The following ZNF79 variants were observed in gnomAD, a reference collection of about 807,000 sequenced individuals.
The protein encoded by ZNF79 is ZNFpT7.
In ZNF79, 13 loss-of-function variants were observed where a neutral mutation model predicts 14.9. The observed-to-expected ratio is 0.87, with a 90% confidence interval of 0.57 to 1.38. The LOEUF (loss-of-function observed/expected upper bound fraction) is 1.38. ZNF79 is among the 40% of genes most tolerant of loss of function. ZNF79 has a pLI of 0.00. For synonymous variants in ZNF79, 223 were observed against 235.1 expected (o/e 0.95, Z 0.47); for missense variants, 631 against 630.6 (o/e 1.00, Z -0.01).
intron 1 of ZNF79, among the ~76,000 whole-genome samples, chr9:127,427,542 CTT>C (rs71378001): frequency 1.3e-4 from 17 of 132,562 alleles, no homozygotes; most frequent in Middle Eastern, 3.4e-3. Flanking sequence ...TAACTAAATT[CTT>C]TTTTTTTTTT....
chr9:127,445,087 C>T lies in ZNF79; in HGVS notation c.1387C>T (p.His463Tyr). 6.2e-7 allele frequency: 1 copy of T among 1,614,048 alleles called. No individual in the cohort carries two copies. The highest frequency in any genetic ancestry group is 8.5e-7 in the Non-Finnish European group (1 of 1,180,004). ...TAACCAGAGCTCATCCCTTAGTCAG[C>T]ATCAGAGAATCCACACAGGCGTGAA... is the stretch of plus-strand genomic sequence containing the variant. ...AFNQSSSLSQ[H>Y]QRIHTGVKPY... The change falls in exon 5 of 5, where the codon CAT (histidine) becomes TAT (tyrosine). Residue 463 changes from histidine to tyrosine, a missense_variant. His to Tyr is a moderately conservative substitution (Grantham distance 83). Coordinates refer to ENST00000342483, the MANE Select transcript of ZNF79 (RefSeq NM_007135.3).
intron 4 of ZNF79, among the ~76,000 whole-genome samples, chr9:127,437,920 G>A (rs925847296): frequency 6.6e-6 from 1 of 152,036 alleles, no homozygotes; most frequent in Non-Finnish European, 1.5e-5. Flanking sequence ...TGGGGGCACT[G>A]TTCACCCCAG....
At chr9:127,437,817 C>T (rs1833976726) in intron 4 of ZNF79, among the ~76,000 whole-genome samples, 1 of 151,958 alleles carries the variant, frequency 6.6e-6, no homozygotes, top group Non-Finnish European at 1.5e-5. Flanking sequence ...TAAAATACCC[C>T]AATCCAGTGT....
Position 127,444,596 on chromosome 9 carries a change from A to G in ZNF79, c.896A>G (p.His299Arg). Residue 299 changes from histidine (H) to arginine (R), a missense_variant, in exon 5 of 5, where the codon CAT (histidine) becomes CGT (arginine). Coordinates refer to ENST00000342483, the MANE Select transcript of ZNF79 (RefSeq NM_007135.3). ...GCTCTTGTTCAGCATCAGAGAATTC[A>G]TACCGGAGAGAAGCCCTACGAATGC... The part of the protein sequence containing the change: ...CSALVQHQRI[H>R]TGEKPYECSD... 1.2e-6 allele frequency: 2 copies of G among 1,614,162 alleles called. No individual in the cohort carries two copies. Among genetic ancestry groups the G allele is most frequent in the Non-Finnish European group, 1.7e-6 (2 of 1,180,036 alleles).
At chr9:127,427,153 C>G (rs886115203) in intron 1 of ZNF79, among the ~76,000 whole-genome samples, 4 of 151,042 alleles carry the variant, frequency 2.6e-5, no homozygotes, top group Non-Finnish European at 5.9e-5. Context: ...CACAGTGGCT[C>G]ACACCTGTAA....
At chr9:127,432,157 T>A (rs1833871458) in intron 2 of ZNF79, among the ~76,000 whole-genome samples, 1 of 150,822 alleles carries the variant, frequency 6.6e-6, no homozygotes, top group African/African-American at 2.4e-5. Context: ...TTAAATTTTT[T>A]TTTTTTTTTT....
At chr9:127,428,374 T>C (rs946608954) in intron 1 of ZNF79, among the ~76,000 whole-genome samples, 3 of 152,328 alleles carry the variant, frequency 2.0e-5, no homozygotes, top group East Asian at 3.8e-4. Flanking sequence ...CCTCTTCTTT[T>C]CATTTAAGCA....
chr9:127,435,263 A>G, intron 3 of ZNF79, 47 bp downstream of exon 3: 1 of 1,541,958 alleles, frequency 6.5e-7, no homozygotes, highest in Non-Finnish European at 8.7e-7. Context: ...AATTCTGAAA[A>G]TCTGTGGCAC....
At position 127,444,494 on chromosome 9, in the gene ZNF79, C is replaced by T. The variant is rs973606628; in HGVS notation, c.794C>T (p.Thr265Ile). ...GRAFSQNANL[T>I]KHQRTHTGEK... ...GCCTTCAGCCAGAACGCCAACCTCA[C>T]CAAACACCAGCGAACCCACACCGGA... The change falls in exon 5 of 5, where the codon ACC becomes ATC. Residue 265 changes from threonine to isoleucine, a missense_variant. Thr to Ile is a moderately conservative substitution (Grantham distance 89). Transcript: ENST00000342483. 1 of 1,610,906 alleles carries T rather than the reference C, an allele frequency of 6.2e-7. No homozygotes were observed. Among genetic ancestry groups the T allele is most frequent in the Non-Finnish European group, 8.5e-7 (1 of 1,177,310 alleles).
chr9:127,425,862 G>A (rs1336241010), intron 1 of ZNF79, among the ~76,000 whole-genome samples: 1 of 152,200 alleles, frequency 6.6e-6, no homozygotes, highest in Admixed American at 6.5e-5. Context: ...CAAAGTGCTG[G>A]GATTACAGGC....
At chr9:127,435,703 TA>T (rs1428071329) in intron 3 of ZNF79, among the ~76,000 whole-genome samples, 5 of 152,230 alleles carry the variant, frequency 3.3e-5, no homozygotes, top group Admixed American at 2.0e-4. Flanking sequence ...CCTCTAAAAT[TA>T]AAAGGATGTT....
chr9:127,444,531 C>T lies in ZNF79; in HGVS notation c.831C>T (p.Tyr277=). 1 of 1,613,802 alleles carries T rather than the reference C, an allele frequency of 6.2e-7. No homozygotes were observed. The highest frequency in any genetic ancestry group is 2.2e-5 in the East Asian group (1 of 44,838). ...GAACCCACACCGGAGAGAAGCCCTA[C>T]AGATGCAGCGAGTGTGAGAAAGCCT... ...HQRTHTGEKP[Y]RCSECEKAFS... Residue 277 remains tyrosine (Y), a synonymous_variant, in exon 5 of 5, where the codon TAC becomes TAT. Transcript: ENST00000342483.
At chr9:127,428,200 C>G (rs778766514) in intron 1 of ZNF79, among the ~76,000 whole-genome samples, 2 of 152,062 alleles carry the variant, frequency 1.3e-5, no homozygotes, top group South Asian at 2.1e-4. Flanking sequence ...AGGCTGGTCT[C>G]GAACTCCTGG....
chr9:127,443,960 G>A, intron 4 of ZNF79, 69 bp from the exon 5 acceptor site: 2 of 1,406,478 alleles, frequency 1.4e-6, no homozygotes, highest in Non-Finnish European at 1.9e-6. Flanking sequence ...TAAGAGCTTG[G>A]CCAGACTCCT....
At chr9:127,428,964 C>G in intron 2 of ZNF79, 44 bp downstream of exon 2, 1 of 1,313,020 alleles carries the variant, frequency 7.6e-7, no homozygotes, top group South Asian at 1.4e-5. Context: ...TTCTTCCCCC[C>G]TAATACTAAT....
chr9:127,424,439 C>G lies in ZNF79; in HGVS notation c.-349C>G, dbSNP rs1208889008. Reference sequence around the variant, plus strand: ...GACCTGGCGTTGGGCGGTACTTGGACAGCGGTTCTTGAGCTCTCGCGGTTG... The same window carrying G: ...GACCTGGCGTTGGGCGGTACTTGGAGAGCGGTTCTTGAGCTCTCGCGGTTG... On this transcript the variant is annotated 5_prime_UTR_variant, in exon 1 of 5. Coordinates refer to ENST00000342483, the MANE Select transcript of ZNF79 (RefSeq NM_007135.3). The G allele has an allele frequency of 3.6e-6, 1 of 276,712 alleles. No individual in the cohort carries two copies. Among genetic ancestry groups the G allele is most frequent in the South Asian group, 4.7e-5 (1 of 21,130 alleles). The allele number at this position is 276,712 out of a possible 1,614,324, so 17.1% of individuals were successfully genotyped here. A position where few individuals can be genotyped will look rare whatever the true frequency, so the allele number is the denominator to read the frequency against.
intron 1 of ZNF79, among the ~76,000 whole-genome samples, chr9:127,426,451 C>G (rs140672049): frequency 2.3e-3 from 347 of 151,264 alleles, no homozygotes; most frequent in African/African-American, 8.0e-3. Context: ...CTCAGCTCAC[C>G]GCAACCTCCG....
chr9:127,435,045 A>G, intron 2 of ZNF79, 45 bp from the exon 3 acceptor site: 1 of 1,577,072 alleles, frequency 6.3e-7, no homozygotes, highest in Non-Finnish European at 8.6e-7. Context: ...CTATCACCCT[A>G]GATCCTAAGG....
chr9:127,427,816 C>T (rs1012080292), intron 1 of ZNF79, among the ~76,000 whole-genome samples: 1 of 152,030 alleles, frequency 6.6e-6, no homozygotes, highest in African/African-American at 2.4e-5. Context: ...CACTCAGCCT[C>T]TTCACTTTCT....
Sources: gnomAD v4.1 joint callset for allele counts (sites outside exome capture counted in the v4.1 genomes callset) on GRCh38, gnomAD v4.1.1 for gene constraint, MANE v1.5 for transcripts, NCBI Gene and HGNC (gene_info 2026-07-23, HGNC 2026-07-21) for gene names.